The following TANK variants were observed in gnomAD, a reference collection of about 807,000 sequenced individuals.
TANK encodes the protein TRAF family member associated NFKB activator.
Under a neutral mutation model 43.6 loss-of-function variants are expected in TANK, and 15 were observed. The ratio of observed to expected loss-of-function variants is 0.34; its 90% confidence interval spans 0.23 to 0.53. TANK has a LOEUF of 0.53. Among genes scored for constraint, TANK ranks in the 20% least tolerant of loss-of-function variants. The probability of loss-of-function intolerance (pLI) is 0.94; values close to 1 mark genes in which losing one functional copy is unlikely to be tolerated. For synonymous variants in TANK, 162 were observed against 178.2 expected, an observed-to-expected ratio of 0.91 and a Z score of 0.73; for missense variants, 417 against 498.6, an observed-to-expected ratio of 0.84 and a Z score of 1.56.
chr2:161,221,424 T>C (rs957558749), intron 4 of TANK, among the ~76,000 whole-genome samples: 10 of 152,140 alleles, frequency 6.6e-5, no homozygotes, highest in Non-Finnish European at 8.8e-5. Flanking sequence ...GTTATCTTAC[T>C]CTCTGAGATG....
chr2:161,202,979 G>C (rs1397330712), intron 2 of TANK: 1 of 354,284 alleles, frequency 2.8e-6, no homozygotes, highest in Non-Finnish European at 5.6e-6. Context: ...AGAAGTTTCT[G>C]GTCAGTATAA....
intron 1 of TANK, among the ~76,000 whole-genome samples, chr2:161,163,670 A>G (rs1049080186): frequency 6.6e-6 from 1 of 152,216 alleles, no homozygotes; most frequent in Non-Finnish European, 1.5e-5. Context: ...GGTAATAACC[A>G]AGCTGACATT....
At chr2:161,180,126 T>C (rs1375435162) in intron 2 of TANK, 1 of 995,338 alleles carries the variant, frequency 1.0e-6, no homozygotes, top group Non-Finnish European at 1.2e-6. Flanking sequence ...TGGTGTTTTT[T>C]ATGTTGTTAT....
intron 4 of TANK, among the ~76,000 whole-genome samples, chr2:161,209,350 AT>A (rs1397315604): frequency 6.6e-6 from 1 of 152,188 alleles, no homozygotes; most frequent in African/African-American, 2.4e-5. Flanking sequence ...ACAGAACACC[AT>A]TTTCAGACAT....
intron 2 of TANK, among the ~76,000 whole-genome samples, chr2:161,193,560 A>AAAAT (rs1558987383): frequency 6.6e-6 from 1 of 152,202 alleles, no homozygotes; most frequent in Admixed American, 6.5e-5. Flanking sequence ...TCTTTATTTA[A>AAAAT]AAATAAATAA....
intron 7 of TANK, among the ~76,000 whole-genome samples, chr2:161,232,381 TTGAGA>T (rs771380430): frequency 6.6e-6 from 1 of 152,234 alleles, no homozygotes; most frequent in East Asian, 1.9e-4. Flanking sequence ...TCTCTTTGCC[TTGAGA>T]TATTTAATTT....
chr2:161,208,304 C>G (rs1265605355), intron 4 of TANK, among the ~76,000 whole-genome samples: 1 of 152,020 alleles, frequency 6.6e-6, no homozygotes, highest in African/African-American at 2.4e-5. Context: ...AGTCTCTATT[C>G]ATGTTATTCC....
At position 161,235,399 on chromosome 2, in the gene TANK, G is replaced by A; in HGVS notation, c.1159G>A (p.Asp387Asn). The A allele has an allele frequency of 2.5e-6, 4 of 1,613,092 alleles. No individual in the cohort carries two copies. Among genetic ancestry groups the A allele is most frequent in the South Asian group, 2.2e-5 (2 of 90,982 alleles). Residue 387 changes from aspartate (D) to asparagine (N), a missense_variant, in exon 8 of 8, where the codon GAC (aspartate) becomes AAC (asparagine). Physicochemically the swap from Asp to Asn is conservative, Grantham distance 23. Coordinates refer to ENST00000392749, the MANE Select transcript of TANK (RefSeq NM_001199135.3). The stretch of plus-strand genomic sequence containing the variant: ...TGACTCGGTGGTACTAAGTGGCACA[G>A]ACTCAGAACTGCATATACCTCGAGT... ...DSDSVVLSGTDSELHIPRVCE... is the reference protein window; with the variant it reads ...DSDSVVLSGTNSELHIPRVCE...
At chr2:161,151,177 CTT>C (rs893249081) in intron 1 of TANK, among the ~76,000 whole-genome samples, 1 of 152,054 alleles carries the variant, frequency 6.6e-6, no homozygotes, top group African/African-American at 2.4e-5. Flanking sequence ...TATATTAAGA[CTT>C]TTTGTGGCCT....
At chr2:161,202,939 A>G (rs921462055) in intron 2 of TANK, 2 of 435,844 alleles carry the variant, frequency 4.6e-6, no homozygotes, top group Admixed American at 3.0e-5. Context: ...AAGGTCAACT[A>G]TATTCTCTTA....
At chr2:161,161,439 T>G in intron 1 of TANK, 1 of 1,550,334 alleles carries the variant, frequency 6.5e-7, no homozygotes, top group Non-Finnish European at 8.7e-7. Flanking sequence ...CAGTGCATTC[T>G]GTTAAAAATT....
intron 2 of TANK, among the ~76,000 whole-genome samples, chr2:161,180,864 A>C (rs1290222199): frequency 6.6e-6 from 1 of 151,424 alleles, no homozygotes; most frequent in Non-Finnish European, 1.5e-5. Context: ...TAACGTGTGC[A>C]GTATATCAGG....
intron 1 of TANK, among the ~76,000 whole-genome samples, chr2:161,154,977 T>C (rs2105234827): frequency 6.6e-6 from 1 of 152,294 alleles, no homozygotes; most frequent in Non-Finnish European, 1.5e-5. Flanking sequence ...ACTCCTGGCC[T>C]CAAGTGATCT....
intron 4 of TANK, among the ~76,000 whole-genome samples, chr2:161,215,739 A>T (rs1159859458): frequency 6.6e-6 from 1 of 152,114 alleles, no homozygotes; most frequent in Non-Finnish European, 1.5e-5. Flanking sequence ...ATACTGCTAG[A>T]TTTTGAGGGT....
chr2:161,161,687 A>G (rs966903314), intron 1 of TANK: 3 of 432,858 alleles, frequency 6.9e-6, no homozygotes, highest in Non-Finnish European at 1.2e-5. Flanking sequence ...ATGTAGCTCT[A>G]TTTTATTGTA....
At chr2:161,214,936 TG>T (rs1687053310) in intron 4 of TANK, among the ~76,000 whole-genome samples, 1 of 152,216 alleles carries the variant, frequency 6.6e-6, no homozygotes, top group African/African-American at 2.4e-5. Context: ...ATATTGAGCT[TG>T]GGGAACCCAC....
At position 161,235,715 on chromosome 2, in the gene TANK, C is replaced by G; in HGVS notation, c.*197C>G. The G allele has an allele frequency of 2.3e-6, 1 of 435,380 alleles. No homozygotes were observed. Among genetic ancestry groups the G allele is most frequent in the Non-Finnish European group, 3.9e-6 (1 of 258,478 alleles). The allele number at this position is 435,380 out of a possible 1,614,324, so 27.0% of individuals were successfully genotyped here. On this transcript the variant is annotated 3_prime_UTR_variant, in exon 8 of 8. Coordinates refer to ENST00000392749, the MANE Select transcript of TANK (RefSeq NM_001199135.3). ...TTCTGTTCTTTCAAGGAGAAATAAG[C>G]CTAAAAGAAGAAAAACAAAAAAAAT...
chr2:161,160,525 G>T (rs1684367972), intron 1 of TANK, 39 bp downstream of exon 1: 2 of 1,288,934 alleles, frequency 1.6e-6, no homozygotes, highest in Admixed American at 6.8e-5. Flanking sequence ...GTCCGAATCC[G>T]TCAAGCACGA....
At chr2:161,165,685 G>A (rs181182089) in intron 1 of TANK, among the ~76,000 whole-genome samples, 112 of 152,248 alleles carry the variant, frequency 7.4e-4, no homozygotes, top group Middle Eastern at 3.4e-3. Flanking sequence ...CCTCATCTGT[G>A]AATATTATGC....
Sources: gnomAD v4.1 joint callset for allele counts (sites outside exome capture counted in the v4.1 genomes callset) on GRCh38, gnomAD v4.1.1 for gene constraint, MANE v1.5 for transcripts, NCBI Gene and HGNC (gene_info 2026-07-23, HGNC 2026-07-21) for gene names.